Variants in CATIP observed in about 807,000 individuals in gnomAD.
CATIP encodes ciliogenesis-associated TTC17-interacting protein.
A neutral mutation model predicts 42.5 loss-of-function variants in CATIP; 40 were observed. That is an observed-to-expected ratio of 0.94 (90% CI 0.73 to 1.22). CATIP has a LOEUF of 1.22. CATIP is among the 50% of genes most tolerant of loss of function. The pLI is 0.00. For synonymous variants in CATIP, 222 were observed against 200.2 expected (o/e 1.11, Z -0.92); for missense variants, 489 against 496.0 (o/e 0.99, Z 0.13).
At chr2:218,361,396 T>C (rs900140467) in intron 5 of CATIP, among the ~76,000 whole-genome samples, 1 of 151,524 alleles carries the variant, frequency 6.6e-6, no homozygotes, top group African/African-American at 2.4e-5. Flanking sequence ...AGATGTACAT[T>C]GGTTCATTGG....
intron 4 of CATIP, among the ~76,000 whole-genome samples, chr2:218,359,272 G>A (rs1317033149): frequency 6.7e-6 from 1 of 149,504 alleles, no homozygotes; most frequent in Non-Finnish European, 1.5e-5. Context: ...AACCCAGGAG[G>A]CGAAGGTCGC....
At chr2:218,358,883 CAAAA>C (rs34797850) in intron 4 of CATIP, among the ~76,000 whole-genome samples, 3 of 123,726 alleles carry the variant, frequency 2.4e-5, no homozygotes, top group African/African-American at 3.1e-5. Flanking sequence ...GACCCTGTCT[CAAAA>C]AAAAAAAAAA....
In CATIP at chr2:218,367,763, C is replaced by G; in HGVS notation, c.963C>G (p.His321Gln). 6.2e-7 allele frequency: 1 copy of G among 1,610,254 alleles called. No homozygotes were observed. The highest frequency in any genetic ancestry group is 1.1e-5 in the South Asian group (1 of 90,954). Residue 321 changes from histidine to glutamine, a missense_variant, in exon 10 of 10, where the codon CAC (histidine) becomes CAG (glutamine). By Grantham distance (24) the His-to-Gln change is conservative. Coordinates refer to ENST00000289388, the MANE Select transcript of CATIP (RefSeq NM_198559.2). ...RLGHASYLRQ[H>Q]PEAHALISDF... The stretch of plus-strand genomic sequence containing the variant: ...GCCACGCCAGCTATCTGCGGCAGCA[C>G]CCCGAAGCCCACGCGCTCATCTCCG...
In CATIP at chr2:218,367,952, G is replaced by T; in HGVS notation, c.1152G>T (p.Ser384=). 1.9e-6 allele frequency: 3 copies of T among 1,587,162 alleles called. No homozygotes were observed. The highest frequency in any genetic ancestry group is 2.6e-6 in the Non-Finnish European group (3 of 1,170,484). The part of the protein sequence containing the change: ...RSLEPEGDAR[S]GAA ...TGGAGCCGGAGGGAGACGCCCGCTC[G>T]GGGGCGGCCTAAGCGGGGCCCAGGC... Residue 384 remains serine (S), a synonymous_variant, in exon 10 of 10, where the codon TCG becomes TCT. Transcript: ENST00000289388.
chr2:218,364,912 G>A (rs781636230), intron 7 of CATIP, among the ~76,000 whole-genome samples, 160 bp downstream of exon 7: 19 of 152,308 alleles, frequency 1.2e-4, no homozygotes, highest in Non-Finnish European at 2.1e-4. Context: ...TTATTTGCTC[G>A]TCCTCTTAAC....
At position 218,367,506 on chromosome 2, in the gene CATIP, C is replaced by A; in HGVS notation, c.909C>A (p.Phe303Leu). 6.2e-7 allele frequency: 1 copy of A among 1,614,206 alleles called. No homozygotes were observed. Residue 303 changes from phenylalanine to leucine, a missense_variant, in exon 9 of 10, where the codon TTC becomes TTA. Coordinates refer to ENST00000289388, the MANE Select transcript of CATIP (RefSeq NM_198559.2). ...WEEDMELYSK[F>L]LDRKEELRLG... is the part of the protein sequence containing the mutation. ...AGGATATGGAGCTCTATTCGAAGTT[C>A]CTGGACCGGAAGGTGAGGGGAGGCT... is the stretch of plus-strand genomic sequence containing the variant.
Position 218,368,008 on chromosome 2 carries a change from T to G in CATIP, c.*44T>G. On this transcript the variant is annotated 3_prime_UTR_variant, in exon 10 of 10. Coordinates refer to ENST00000289388, the MANE Select transcript of CATIP (RefSeq NM_198559.2). ...CAGGGCAGGAAACCAGGGGTCGGGCTGGGACGCGGGCGGGACGCGCCGGGG... is the reference window on the plus strand; with the variant it reads ...CAGGGCAGGAAACCAGGGGTCGGGCGGGGACGCGGGCGGGACGCGCCGGGG... The G allele has an allele frequency of 6.8e-7, 1 of 1,470,092 alleles. No homozygotes were observed. Among genetic ancestry groups the G allele is most frequent in the Non-Finnish European group, 8.9e-7 (1 of 1,117,380 alleles). 91.1% of individuals were successfully genotyped at this position (1,470,092 alleles called of 1,614,324 possible).
intron 6 of CATIP, among the ~76,000 whole-genome samples, chr2:218,364,204 T>C (rs1695340047): frequency 6.6e-6 from 1 of 152,180 alleles, no homozygotes; most frequent in Non-Finnish European, 1.5e-5. Flanking sequence ...TAGCTGCAGC[T>C]ACAACAGGGG....
At position 218,367,477 on chromosome 2, in the gene CATIP, G is replaced by A. The variant is rs755282593; in HGVS notation, c.880G>A (p.Glu294Lys). The change falls in exon 9 of 10, where the codon GAG becomes AAG. Residue 294 changes from glutamate (E) to lysine (K), a missense_variant. By Grantham distance (56) the Glu-to-Lys change is moderately conservative (BLOSUM62 1). Coordinates refer to ENST00000289388, the MANE Select transcript of CATIP (RefSeq NM_198559.2). ...PVFEKKPLVW[E>K]EDMELYSKFL... is the part of the protein sequence containing the mutation. ...GTTTGAGAAGAAGCCCCTGGTATGG[G>A]AGGAGGATATGGAGCTCTATTCGAA... The A allele has an allele frequency of 1.2e-6, 2 of 1,614,102 alleles. No individual in the cohort carries two copies. The highest frequency in any genetic ancestry group is 1.7e-5 in the Admixed American group (1 of 59,998).
chr2:218,360,705 C>A (rs751651482), intron 5 of CATIP, 46 bp downstream of exon 5: 3 of 1,415,814 alleles, frequency 2.1e-6, no homozygotes, highest in Admixed American at 3.4e-5. Flanking sequence ...ACTGTGAACC[C>A]AGAATATCTG....
rs534000954 is a variant in CATIP, at chr2:218,364,214, G to A, written c.631-414G>A. 6.6e-5 allele frequency among the ~76,000 whole-genome samples: 10 copies of A among 152,288 alleles called. No homozygotes were observed. The East Asian group carries it at 1.9e-3, about 29-fold the overall frequency. On this transcript the variant is annotated intron_variant, in intron 6 of 9. Transcript: ENST00000289388. ...CTCCATAGCTGCAGCTACAACAGGG[G>A]TTTAAGTTTTAATCACAACAGGGAC...
chr2:218,362,922 AG>A lies in CATIP; in HGVS notation c.630+24del. ...ACCTATGTAAGGGGTCCCCTTGGGC[AG>A]GGGACTTGGCTTGGGAGCGAACTAG... On this transcript the variant is annotated intron_variant, in intron 6 of 9. Coordinates refer to ENST00000289388, the MANE Select transcript of CATIP (RefSeq NM_198559.2). The A allele has an allele frequency of 6.2e-7, 1 of 1,600,054 alleles. No homozygotes were observed.
chr2:218,367,194 C>T, intron 8 of CATIP, 94 bp downstream of exon 8: 1 of 978,050 alleles, frequency 1.0e-6, no homozygotes. Flanking sequence ...ACCCAGTGTG[C>T]TGTAAACGGG....
rs1375436877 is a variant in CATIP, at chr2:218,367,715, C to T, written c.922-7C>T. On this transcript the variant is annotated splice_region_variant and splice_polypyrimidine_tract_variant and intron_variant, in intron 9 of 9. Transcript: ENST00000289388. ...CCGGCTGAGGCTCGGGCTCTGTCCC[C>T]TGCCAGGAGGAGCTCCGGCTCGGCC... The T allele has an allele frequency of 6.3e-7, 1 of 1,591,008 alleles. No homozygotes were observed. The highest frequency in any genetic ancestry group is 8.5e-7 in the Non-Finnish European group (1 of 1,172,468).
chr2:218,368,047 C>T lies in CATIP; in HGVS notation c.*83C>T, dbSNP rs897150892. On this transcript the variant is annotated 3_prime_UTR_variant, in exon 10 of 10. Coordinates refer to ENST00000289388, the MANE Select transcript of CATIP (RefSeq NM_198559.2). ...GACGCGCCGGGGCGGGTGCGCTTTC[C>T]GGGCTGCGGTTTTGGGGGAATAAAT... is the stretch of plus-strand genomic sequence containing the variant. 9 of 1,419,374 alleles carry T rather than the reference C, an allele frequency of 6.3e-6. No homozygotes were observed. The East Asian group carries it at 1.6e-4, about 25-fold the overall frequency. 87.9% of individuals were successfully genotyped at this position (1,419,374 alleles called of 1,614,324 possible).
intron 8 of CATIP, 79 bp downstream of exon 8, chr2:218,367,179 G>A (rs1213045244): frequency 1.8e-6 from 2 of 1,112,280 alleles, no homozygotes; most frequent in African/African-American, 3.1e-5. Context: ...GATGCAGGGG[G>A]CTGGACCCAG....
At chr2:218,364,364 C>G (rs1199117735) in intron 6 of CATIP, among the ~76,000 whole-genome samples, 3 of 152,010 alleles carry the variant, frequency 2.0e-5, no homozygotes, top group African/African-American at 7.3e-5. Flanking sequence ...TCCCACACCC[C>G]CCCGCATACC....
At position 218,357,633 on chromosome 2, in the gene CATIP, G is replaced by A. The variant is rs775917465; in HGVS notation, c.218G>A (p.Gly73Glu). ...GAGCTGACCATTGAGGTGCAGAGAG[G>A]GAAATACCAGGAAAAACTCGGCATG... The part of the protein sequence containing the change: ...QGELTIEVQR[G>E]KYQEKLGMLT... The change falls in exon 3 of 10, where the codon GGG (glycine) becomes GAG (glutamate). Residue 73 changes from glycine to glutamate, a missense_variant. By Grantham distance (98) the Gly-to-Glu change is moderately conservative. Transcript: ENST00000289388. The A allele has an allele frequency of 1.9e-6, 3 of 1,614,086 alleles. No homozygotes were observed. Among genetic ancestry groups the A allele is most frequent in the Non-Finnish European group, 2.5e-6 (3 of 1,179,992 alleles).
In CATIP at chr2:218,357,583, C is replaced by G; in HGVS notation, c.168C>G (p.Val56=). ...MLFFSETLAM[V]SDTGEPQGEL... is the part of the protein sequence containing the mutation. ...TCTTCTCTGAGACGCTGGCCATGGTCTCAGACACCGGGGAGCCTCAGGGAG... is the reference window on the plus strand; with the variant it reads ...TCTTCTCTGAGACGCTGGCCATGGTGTCAGACACCGGGGAGCCTCAGGGAG... The change falls in exon 3 of 10, where the codon GTC becomes GTG. Residue 56 remains valine, a synonymous_variant. Transcript: ENST00000289388. 1 of 1,614,062 alleles carries G rather than the reference C, an allele frequency of 6.2e-7. No homozygotes were observed. The highest frequency in any genetic ancestry group is 1.7e-5 in the Admixed American group (1 of 60,012).
Sources: allele counts gnomAD v4.1 joint callset (sites outside exome capture counted in the v4.1 genomes callset), GRCh38; gene constraint gnomAD v4.1.1; transcripts MANE v1.5; gene names NCBI Gene and HGNC (gene_info 2026-07-23, HGNC 2026-07-21).